Variants in CHEK1 observed in about 807,000 individuals in gnomAD.
CHEK1 encodes serine/threonine-protein kinase Chk1.
CHEK1 carries 32 observed loss-of-function variants against 60.2 expected under a neutral mutation model. That is an observed-to-expected ratio of 0.53 (90% CI 0.40 to 0.71). The LOEUF (loss-of-function observed/expected upper bound fraction) is 0.71, where lower values mean the gene tolerates loss of function less well. Among genes scored for constraint, CHEK1 ranks in the 30% least tolerant of loss-of-function variants. The pLI is 0.00. For synonymous variants in CHEK1, 179 were observed against 187.2 expected, an observed-to-expected ratio of 0.96 and a Z score of 0.36; for missense variants, 399 against 564.6, an observed-to-expected ratio of 0.71 and a Z score of 2.97.
chr11:125,665,010 T>C (rs1591429000), intron 13 of CHEK1, among the ~76,000 whole-genome samples: 1 of 152,270 alleles, frequency 6.6e-6, no homozygotes, highest in East Asian at 1.9e-4. Context: ...GATATCCAGT[T>C]TTTCTAGAAT....
rs77764256 is a variant in CHEK1, at chr11:125,644,520, G to T, written c.1110G>T (p.Trp370Cys). 2.5e-6 allele frequency: 4 copies of T among 1,613,802 alleles called. No homozygotes were observed. Among genetic ancestry groups the T allele is most frequent in the Non-Finnish European group, 3.4e-6 (4 of 1,179,954 alleles). The change falls in exon 11 of 13, where the codon TGG becomes TGT. Residue 370 changes from tryptophan (W) to cysteine (C), a missense_variant. Trp to Cys is a radical substitution (Grantham distance 215). Transcript: ENST00000438015. ...LGTPGSSQNP[W>C]QRLVKRMTRF... is the part of the protein sequence containing the mutation. ...TTCTGTTTGACATGTAGAACCCCTG[G>T]CAGCGGTTGGTCAAAAGAATGACAC... is the stretch of plus-strand genomic sequence containing the variant.
chr11:125,674,307 T>C (rs908119118), intron 13 of CHEK1, among the ~76,000 whole-genome samples: 2 of 152,176 alleles, frequency 1.3e-5, no homozygotes, highest in Non-Finnish European at 2.9e-5. Context: ...ATGATTAATT[T>C]TGGTATTTTG....
At chr11:125,662,788 C>T (rs1226566767) in intron 13 of CHEK1, among the ~76,000 whole-genome samples, 3 of 152,078 alleles carry the variant, frequency 2.0e-5, no homozygotes, top group African/African-American at 4.8e-5. Flanking sequence ...GTTTAGTTTT[C>T]GAGAAAACTG....
chr11:125,630,192 G>C (rs1940809637), intron 5 of CHEK1, among the ~76,000 whole-genome samples: 1 of 152,274 alleles, frequency 6.6e-6, no homozygotes, highest in African/African-American at 2.4e-5. Flanking sequence ...AGGATGGATA[G>C]CGAAAGCTTT....
At chr11:125,655,182 G>C in intron 12 of CHEK1, 43 bp from the exon 13 acceptor site, 1 of 1,484,242 alleles carries the variant, frequency 6.7e-7, no homozygotes, top group Non-Finnish European at 9.3e-7. Context: ...TTTTGTTTTT[G>C]TTTTTGTTTT....
chr11:125,643,478 G>A (rs1941381241), intron 8 of CHEK1: 1 of 187,062 alleles, frequency 5.3e-6, no homozygotes, highest in East Asian at 1.5e-4. Context: ...GGGTGACAGA[G>A]CGAGACTCCG....
chr11:125,650,498 C>T (rs1308509062), intron 11 of CHEK1, among the ~76,000 whole-genome samples: 1 of 135,970 alleles, frequency 7.4e-6, no homozygotes, highest in Non-Finnish European at 1.5e-5. Flanking sequence ...CTCTTGTTGC[C>T]CAGGCTGGAG....
chr11:125,677,792 C>G, downstream of CHEK1: 1 of 1,613,428 alleles, frequency 6.2e-7, no homozygotes, highest in Non-Finnish European at 8.5e-7. Flanking sequence ...CCAAACATGG[C>G]TCACCTGTAG....
chr11:125,656,998 G>A lies in CHEK1; in HGVS notation c.*1678G>A, dbSNP rs1476886605. 5.2e-6 allele frequency: 1 copy of A among 192,476 alleles called. No homozygotes were observed. Among genetic ancestry groups the A allele is most frequent in the Non-Finnish European group, 1.1e-5 (1 of 92,260 alleles). The allele number at this position is 192,476 out of a possible 1,614,324, so 11.9% of individuals were successfully genotyped here. The stretch of plus-strand genomic sequence containing the variant: ...ATTTTAATCTTTAATGCTTTAATGT[G>A]TAGGAAGAGTATAGTGTCCTGTTTT... On this transcript the variant is annotated 3_prime_UTR_variant, in exon 13 of 13. Coordinates refer to ENST00000438015, the MANE Select transcript of CHEK1 (RefSeq NM_001114122.3).
At position 125,635,997 on chromosome 11, in the gene CHEK1, C is replaced by T. The variant is rs562734221; in HGVS notation, c.718+464C>T. On this transcript the variant is annotated intron_variant, in intron 7 of 12. Transcript: ENST00000438015. ...ATTGATCTCAGGCTGCAAACCTGTA[C>T]AGCATGTTACTATACTGAGCACTGT... 3 of 152,716 alleles carry T rather than the reference C, an allele frequency of 2.0e-5. No individual in the cohort carries two copies. In the East Asian group the frequency reaches 5.8e-4, roughly 29 times the overall value. 9.5% of individuals were successfully genotyped at this position (152,716 alleles called of 1,614,324 possible).
chr11:125,631,363 TCTTC>T, intron 5 of CHEK1, among the ~76,000 whole-genome samples: 1 of 152,192 alleles, frequency 6.6e-6, no homozygotes, highest in East Asian at 1.9e-4. Context: ...ACAAATATAT[TCTTC>T]CTTTGTTTTT....
At chr11:125,668,463 T>G (rs1942138197) in intron 13 of CHEK1, among the ~76,000 whole-genome samples, 1 of 152,224 alleles carries the variant, frequency 6.6e-6, no homozygotes, top group Admixed American at 6.5e-5. Flanking sequence ...TTTTTTTGTT[T>G]AACATTTTTA....
chr11:125,637,916 G>A (rs922550000), intron 8 of CHEK1, among the ~76,000 whole-genome samples: 1 of 152,240 alleles, frequency 6.6e-6, no homozygotes, highest in Non-Finnish European at 1.5e-5. Flanking sequence ...TGATGCTTTT[G>A]AGAAACTTGA....
At chr11:125,676,575 G>A (rs777414149), downstream of CHEK1, 216 of 1,417,008 alleles carry the variant, frequency 1.5e-4, 1 homozygote, top group Non-Finnish European at 2.0e-4. Flanking sequence ...AGGTAGCATG[G>A]ATACTACACA....
intron 12 of CHEK1, among the ~76,000 whole-genome samples, chr11:125,654,508 T>C (rs1464330152): frequency 6.6e-6 from 1 of 152,228 alleles, no homozygotes; most frequent in Non-Finnish European, 1.5e-5. Flanking sequence ...TATAATTTAA[T>C]GAACCTTTAC....
downstream of CHEK1, chr11:125,681,087 A>G (rs1196454821): frequency 4.5e-5 from 9 of 198,332 alleles, no homozygotes; most frequent in Non-Finnish European, 9.1e-5. The surrounding 1 kb of genome is among the most constrained non-coding windows in gnomAD (Gnocchi z 4.2). Context: ...AAGTATTACC[A>G]AAAAGCACAT....
chr11:125,676,344 G>T (rs768090351), downstream of CHEK1: 49 of 1,613,560 alleles, frequency 3.0e-5, no homozygotes, highest in African/African-American at 5.9e-4. Context: ...ATTGCCTCAT[G>T]AAGTCCCCAT....
downstream of CHEK1, among the ~76,000 whole-genome samples, chr11:125,660,743 A>T (rs1337017466): frequency 5.5e-5 from 8 of 146,468 alleles, no homozygotes; most frequent in Non-Finnish European, 1.1e-4. Context: ...TTCATAAAGG[A>T]TTTATTAACA....
intron 8 of CHEK1, among the ~76,000 whole-genome samples, chr11:125,642,382 A>T (rs1941340895): frequency 6.6e-6 from 1 of 152,034 alleles, no homozygotes; most frequent in Non-Finnish European, 1.5e-5. Context: ...ATTTTATGTT[A>T]TTTTGTCTCT....
Sources: allele counts gnomAD v4.1 joint callset (sites outside exome capture counted in the v4.1 genomes callset), GRCh38; gene constraint gnomAD v4.1.1; non-coding constraint Gnocchi (gnomAD v3.1); transcripts MANE v1.5; gene names NCBI Gene and HGNC (gene_info 2026-07-23, HGNC 2026-07-21).